Variants in WDR89 observed in about 807,000 individuals in gnomAD.
The protein encoded by WDR89 is WD repeat domain 89, also known as WD repeat-containing protein 89.
WDR89 carries 17 observed loss-of-function variants against 29.1 expected under a neutral mutation model. The observed-to-expected ratio is 0.58, with a 90% CI of 0.40 to 0.88. The LOEUF is 0.88. WDR89 is among the 40% of genes least tolerant of loss of function. The pLI, the probability that WDR89 is intolerant of heterozygous loss-of-function variation, is 0.00. For synonymous variants in WDR89, 138 were observed against 157.8 expected (o/e 0.87, Z 0.94); for missense variants, 396 against 456.3 (o/e 0.87, Z 1.20).
rs1595011561 is a variant in WDR89, at chr14:63,598,779, T to C, written c.1164A>G (p.Ter388TrpextTer1). The part of the protein sequence containing the change: ...NDSYKRRKKQ[*>W] ...ACCAAACAAAGTGCCAAATGCATTA[T>C]CACTGCTTTTTCCTTCTTTTATAAG... is the stretch of plus-strand genomic sequence containing the variant. The change falls in exon 3 of 3, where the codon TGA (stop) becomes TGG (tryptophan). Residue 388 changes from the stop codon to tryptophan (W), a stop_lost. Transcript: ENST00000620954. The C allele has an allele frequency of 1.3e-6, 2 of 1,574,966 alleles. No individual in the cohort carries two copies. Among genetic ancestry groups the C allele is most frequent in the Non-Finnish European group, 1.7e-6 (2 of 1,161,982 alleles).
intron 2 of WDR89, among the ~76,000 whole-genome samples, chr14:63,615,384 T>C (rs1357837970): frequency 6.6e-6 from 1 of 152,228 alleles, no homozygotes; most frequent in African/African-American, 2.4e-5. Flanking sequence ...ATTCTTGAAT[T>C]GGTACTACAT....
intron 1 of WDR89, chr14:63,641,333 T>C (rs1474436274): frequency 6.6e-6 from 1 of 152,194 alleles, no homozygotes. Context: ...AATGATATAA[T>C]AGACCAGTTG....
Position 63,597,686 on chromosome 14 carries a change from CTTA to C in WDR89, c.*1090_*1092del, listed in dbSNP as rs1894857410. 6.6e-6 allele frequency: 1 copy of C among 152,106 alleles called. No homozygotes were observed. The highest frequency in any genetic ancestry group is 2.4e-5 in the African/African-American group (1 of 41,404). 9.4% of individuals were successfully genotyped at this position (152,106 alleles called of 1,614,324 possible). On this transcript the variant is annotated 3_prime_UTR_variant, in exon 3 of 3. Transcript: ENST00000620954. The stretch of plus-strand genomic sequence containing the variant: ...TTTTTTATTCACTAGATAGCACTGT[CTTA>C]TATTTTAAAGATTCTGAAAAACACA...
chr14:63,628,938 C>CAA (rs145439068), intron 1 of WDR89, among the ~76,000 whole-genome samples: 2 of 139,682 alleles, frequency 1.4e-5, no homozygotes, highest in Non-Finnish European at 3.1e-5. Context: ...GACCCTGTCT[C>CAA]AAAAAAAAAA....
intron 1 of WDR89, among the ~76,000 whole-genome samples, chr14:63,625,426 C>T (rs949035185): frequency 1.6e-5 from 2 of 126,734 alleles, no homozygotes; most frequent in African/African-American, 8.3e-5. Context: ...AAACTACATA[C>T]TTACATGTCA....
At chr14:63,640,954 C>T (rs1297812110) in intron 1 of WDR89, among the ~76,000 whole-genome samples, 2 of 149,724 alleles carry the variant, frequency 1.3e-5, no homozygotes, top group African/African-American at 2.4e-5. Flanking sequence ...AAAAATTAGC[C>T]GGGCGTGGTG....
intron 2 of WDR89, among the ~76,000 whole-genome samples, chr14:63,615,417 A>G (rs936675960): frequency 3.3e-5 from 5 of 152,342 alleles, no homozygotes; most frequent in African/African-American, 1.2e-4. Flanking sequence ...TTCATTTTCT[A>G]ATTTTGAAAA....
intron 2 of WDR89, among the ~76,000 whole-genome samples, chr14:63,600,660 C>T (rs11623310): frequency 9.1e-5 from 12 of 131,714 alleles, no homozygotes; most frequent in Non-Finnish European, 1.7e-4. Flanking sequence ...TTGGAATAAT[C>T]TTCTCCTGGC....
intron 1 of WDR89, among the ~76,000 whole-genome samples, chr14:63,632,558 G>A (rs573137063): frequency 6.6e-6 from 1 of 152,098 alleles, no homozygotes; most frequent in East Asian, 1.9e-4. Context: ...AATTGAACCC[G>A]GGAGGTGGAG....
intron 2 of WDR89, among the ~76,000 whole-genome samples, chr14:63,607,580 A>G (rs947699487): frequency 6.6e-6 from 1 of 152,178 alleles, no homozygotes; most frequent in Non-Finnish European, 1.5e-5. Context: ...ATTTTACTGA[A>G]GGGCAATTAA....
Position 63,598,785 on chromosome 14 carries a change from C to T in WDR89, c.1158G>A (p.Lys386=). 2 of 1,579,416 alleles carry T rather than the reference C, an allele frequency of 1.3e-6. No homozygotes were observed. The highest frequency in any genetic ancestry group is 2.2e-5 in the East Asian group (1 of 44,592). The change falls in exon 3 of 3, where the codon AAG becomes AAA. Residue 386 remains lysine, a synonymous_variant. Coordinates refer to ENST00000620954, the MANE Select transcript of WDR89 (RefSeq NM_080666.4). ...HSNDSYKRRK[K]Q ...CAAAGTGCCAAATGCATTATCACTGCTTTTTCCTTCTTTTATAAGAATCAT... is the reference window on the plus strand; with the variant it reads ...CAAAGTGCCAAATGCATTATCACTGTTTTTTCCTTCTTTTATAAGAATCAT...
chr14:63,637,284 T>A (rs191514265), intron 1 of WDR89, among the ~76,000 whole-genome samples: 12 of 152,100 alleles, frequency 7.9e-5, no homozygotes, highest in Non-Finnish European at 1.6e-4. Flanking sequence ...GTGGATGTGG[T>A]AAACAGGGAA....
intron 1 of WDR89, 68 bp from the exon 2 acceptor site, chr14:63,625,101 C>T (rs1337458398): frequency 2.0e-5 from 3 of 151,892 alleles, no homozygotes; most frequent in African/African-American, 2.4e-5. Context: ...TCTCCCTCCC[C>T]GAGAAATATC....
rs764660206 is a variant in WDR89, at chr14:63,598,622, G to A, written c.*157C>T. 1 of 583,986 alleles carries A rather than the reference G, an allele frequency of 1.7e-6. No homozygotes were observed. The highest frequency in any genetic ancestry group is 2.6e-6 in the Non-Finnish European group (1 of 382,342). The allele number at this position is 583,986 out of a possible 1,614,324, so 36.2% of individuals were successfully genotyped here. A position where few individuals can be genotyped will look rare whatever the true frequency, so the allele number is the denominator to read the frequency against. On this transcript the variant is annotated 3_prime_UTR_variant, in exon 3 of 3. Transcript: ENST00000620954. ...GGCTTTAAAATTTTTTAGAATATGT[G>A]AAGACCGGAATTAAACCATTCTCAC...
rs1894914245 is a variant in WDR89, at chr14:63,598,950, C to G, written c.993G>C (p.Val331=). Residue 331 remains valine, a synonymous_variant, in exon 3 of 3, where the codon GTG becomes GTC. Coordinates refer to ENST00000620954, the MANE Select transcript of WDR89 (RefSeq NM_080666.4). ...CTCCAGTCAACAAAGAATCATCTTG[C>G]ACATTCCAACAGAAAGAACGGACTG... is the stretch of plus-strand genomic sequence containing the variant. The part of the protein sequence containing the change: ...AATVRSFCWN[V]QDDSLLTGGE... The G allele has an allele frequency of 6.2e-7, 1 of 1,614,200 alleles. No individual in the cohort carries two copies. Among genetic ancestry groups the G allele is most frequent in the Non-Finnish European group, 8.5e-7 (1 of 1,180,030 alleles).
At chr14:63,624,430 G>A (rs1379222218) in intron 2 of WDR89, among the ~76,000 whole-genome samples, 2 of 147,702 alleles carry the variant, frequency 1.4e-5, no homozygotes, top group African/African-American at 2.5e-5. Flanking sequence ...TTGCATCACT[G>A]CCACTTCAGC....
At position 63,599,766 on chromosome 14, in the gene WDR89, C is replaced by A; in HGVS notation, c.177G>T (p.Arg59Ser). Residue 59 changes from arginine to serine, a missense_variant, in exon 3 of 3, where the codon AGG becomes AGT. Transcript: ENST00000620954. ...CACTAAATTCTCGTAGTACATTTAA[C>A]CTTTCTTTATCATATATTCTGATTG... Reference protein sequence around the residue: ...NGSIRIYDKERLNVLREFSGY... With the variant: ...NGSIRIYDKESLNVLREFSGY... The A allele has an allele frequency of 6.2e-7, 1 of 1,610,722 alleles. No individual in the cohort carries two copies. Among genetic ancestry groups the A allele is most frequent in the Non-Finnish European group, 8.5e-7 (1 of 1,178,852 alleles).
At chr14:63,633,007 T>C (rs1429335627) in intron 1 of WDR89, among the ~76,000 whole-genome samples, 1 of 152,110 alleles carries the variant, frequency 6.6e-6, no homozygotes, top group Non-Finnish European at 1.5e-5. Context: ...TTACTAACTA[T>C]ATGTTTCAGT....
intron 2 of WDR89, among the ~76,000 whole-genome samples, chr14:63,616,838 G>A (rs953912041): frequency 6.6e-6 from 1 of 152,126 alleles, no homozygotes; most frequent in Non-Finnish European, 1.5e-5. Flanking sequence ...ACAGACTAAA[G>A]GGCAAGAGTA....
Sources: allele counts gnomAD v4.1 joint callset (sites outside exome capture counted in the v4.1 genomes callset), GRCh38; gene constraint gnomAD v4.1.1; transcripts MANE v1.5; gene names NCBI Gene and HGNC (gene_info 2026-07-23, HGNC 2026-07-21).